The following ZNG1E variants were observed in gnomAD, a reference collection of about 807,000 sequenced individuals.
ZNG1E encodes the protein Zn regulated GTPase metalloprotein activator 1E, also known as zinc-regulated GTPase metalloprotein activator 1E.
chr9:65,664,165 A>G, the ZNG1E span, among the ~76,000 whole-genome samples: 1 of 151,942 alleles, frequency 6.6e-6, no homozygotes, highest in African/African-American at 2.4e-5. Flanking sequence ...CATATGTAAT[A>G]CTCTATCTTT....
chr9:65,721,783 A>AC, the ZNG1E span, among the ~76,000 whole-genome samples: 5 of 149,852 alleles, frequency 3.3e-5, no homozygotes, highest in Non-Finnish European at 7.4e-5. Context: ...GGAGATTCTG[A>AC]TGCACTGTCC....
chr9:65,671,579 C>T, the ZNG1E span, among the ~76,000 whole-genome samples: 20 of 152,332 alleles, frequency 1.3e-4, no homozygotes, highest in East Asian at 3.9e-3. Context: ...CCTGGCTTTC[C>T]AAAGTGCTGG....
At chr9:65,666,781 A>G in the ZNG1E span, among the ~76,000 whole-genome samples, 2 of 151,708 alleles carry the variant, frequency 1.3e-5, no homozygotes, top group East Asian at 1.9e-4. Context: ...GTAAAAGCAT[A>G]TAGATTAATA....
At chr9:65,660,824 TACAG>T in the ZNG1E span, among the ~76,000 whole-genome samples, 21 of 87,366 alleles carry the variant, frequency 2.4e-4, no homozygotes, top group Non-Finnish European at 2.3e-5. Flanking sequence ...GTTGTGGTTA[TACAG>T]ATATATATAT....
the ZNG1E span, among the ~76,000 whole-genome samples, chr9:65,687,607 GTC>G: frequency 6.6e-6 from 1 of 150,980 alleles, no homozygotes; most frequent in Non-Finnish European, 1.5e-5. Flanking sequence ...GAGTATTATA[GTC>G]TCTGAGTTTC....
At chr9:65,706,853 T>C in the ZNG1E span, 1 of 147,564 alleles carries the variant, frequency 6.8e-6, no homozygotes, top group Non-Finnish European at 1.5e-5. Context: ...ATTTAGAAGC[T>C]TGTGTTTCCA....
the ZNG1E span, among the ~76,000 whole-genome samples, chr9:65,695,481 T>C: frequency 3.1e-5 from 2 of 65,228 alleles, no homozygotes; most frequent in Admixed American, 2.1e-4. Flanking sequence ...CCCAGCTTTA[T>C]TGAGGTATAA....
chr9:65,687,807 T>A, the ZNG1E span, among the ~76,000 whole-genome samples: 22 of 146,474 alleles, frequency 1.5e-4, no homozygotes, highest in East Asian at 1.2e-3. Context: ...TTTTTTTTTT[T>A]AATCTAAAAT....
chr9:65,687,512 G>T, the ZNG1E span, among the ~76,000 whole-genome samples: 3 of 152,260 alleles, frequency 2.0e-5, no homozygotes, highest in Non-Finnish European at 4.4e-5. Context: ...CCCAAACTTT[G>T]TAAATGTTGT....
At chr9:65,703,529 A>G in the ZNG1E span, 1 of 951,268 alleles carries the variant, frequency 1.1e-6, no homozygotes, top group South Asian at 5.0e-5. Flanking sequence ...TCTGTTTTCC[A>G]TTGAATGTTA....
At chr9:65,723,753 TA>T in the ZNG1E span, among the ~76,000 whole-genome samples, 1 of 101,778 alleles carries the variant, frequency 9.8e-6, no homozygotes, top group Non-Finnish European at 1.9e-5. Flanking sequence ...ACAGACTAAA[TA>T]AACAAACCTG....
At chr9:65,673,893 A>G in the ZNG1E span, among the ~76,000 whole-genome samples, 1 of 152,304 alleles carries the variant, frequency 6.6e-6, no homozygotes, top group Non-Finnish European at 1.5e-5. Context: ...TATGTCAAAG[A>G]AGGTGGTGAG....
At chr9:65,716,558 AT>A in the ZNG1E span, among the ~76,000 whole-genome samples, 1 of 148,036 alleles carries the variant, frequency 6.8e-6, no homozygotes, top group African/African-American at 2.5e-5. Flanking sequence ...TATTGTTCAC[AT>A]TTTGAAAACA....
At chr9:65,717,571 C>T in the ZNG1E span, among the ~76,000 whole-genome samples, 1 of 149,756 alleles carries the variant, frequency 6.7e-6, no homozygotes, top group Non-Finnish European at 1.5e-5. Context: ...TGGATTAGAA[C>T]TGTATTTTTA....
chr9:65,667,980 G>C, the ZNG1E span, among the ~76,000 whole-genome samples: 1 of 141,072 alleles, frequency 7.1e-6, no homozygotes, highest in African/African-American at 2.6e-5. Flanking sequence ...TGGACACCAT[G>C]AGCAAAACTT....
At chr9:65,660,074 A>T in the ZNG1E span, among the ~76,000 whole-genome samples, 12 of 134,756 alleles carry the variant, frequency 8.9e-5, no homozygotes, top group Admixed American at 1.6e-4. Flanking sequence ...AAAACATAGG[A>T]TTTAGGAATC....
the ZNG1E span, among the ~76,000 whole-genome samples, chr9:65,657,869 G>A: frequency 1.3e-5 from 2 of 152,280 alleles, no homozygotes; most frequent in African/African-American, 2.4e-5. Context: ...GGGAGGCTGA[G>A]GCGGGCAGAT....
chr9:65,672,253 C>G, the ZNG1E span, among the ~76,000 whole-genome samples: 1 of 151,550 alleles, frequency 6.6e-6, no homozygotes, highest in Non-Finnish European at 1.5e-5. Flanking sequence ...CTTAGGGGCT[C>G]AAAACATTAC....
the ZNG1E span, among the ~76,000 whole-genome samples, chr9:65,695,589 A>AT: frequency 9.9e-6 from 1 of 101,038 alleles, no homozygotes; most frequent in East Asian, 2.4e-4. Flanking sequence ...TCACATTGCT[A>AT]TTTTTTTGAG....
Sources: gnomAD v4.1 joint callset for allele counts (sites outside exome capture counted in the v4.1 genomes callset) on GRCh38, gnomAD v4.1.1 for gene constraint, MANE v1.5 for transcripts, NCBI Gene and HGNC (gene_info 2026-07-23, HGNC 2026-07-21) for gene names.